The following KCNAB1 variants were observed in gnomAD, a reference collection of about 807,000 sequenced individuals.
KCNAB1 encodes potassium voltage-gated channel subfamily A regulatory beta subunit 1, also known as voltage-gated potassium channel subunit beta-1.
A neutral mutation model predicts 64.6 loss-of-function variants in KCNAB1; 35 were observed. The ratio of observed to expected loss-of-function variants is 0.54; its 90% CI spans 0.41 to 0.72. KCNAB1 has a LOEUF of 0.72. Ranked by LOEUF, KCNAB1 falls within the 30% of genes least tolerant of loss-of-function variation. KCNAB1 has a pLI of 0.00. For missense variants in KCNAB1, 401 were observed against 512.9 expected (o/e 0.78, Z 2.11); for synonymous variants, 177 against 183.8 (o/e 0.96, Z 0.30).
At chr3:156,390,460 T>C (rs1468035655) in intron 1 of KCNAB1, among the ~76,000 whole-genome samples, 1 of 152,210 alleles carries the variant, frequency 6.6e-6, no homozygotes, top group Non-Finnish European at 1.5e-5. Context: ...GTTTAGAGTC[T>C]TAAAAAAAGG....
At chr3:156,264,724 A>T (rs1299650450) in intron 1 of KCNAB1, among the ~76,000 whole-genome samples, 1 of 152,150 alleles carries the variant, frequency 6.6e-6, no homozygotes, top group African/African-American at 2.4e-5. Context: ...ACATGTATAT[A>T]ATAATGATAA....
chr3:156,291,651 C>T, intron 1 of KCNAB1: 5 of 1,371,768 alleles, frequency 3.6e-6, no homozygotes, highest in Non-Finnish European at 4.7e-6. Context: ...GATTCTCCCT[C>T]CAGCTGCTGT....
intron 8 of KCNAB1, among the ~76,000 whole-genome samples, chr3:156,486,604 C>CT (rs1443348386): frequency 6.6e-6 from 1 of 152,134 alleles, no homozygotes; most frequent in African/African-American, 2.4e-5. Flanking sequence ...GGTGGCACCA[C>CT]TGGGGGAGTG....
chr3:156,282,080 C>T (rs1719761492), intron 1 of KCNAB1, among the ~76,000 whole-genome samples: 1 of 150,304 alleles, frequency 6.7e-6, no homozygotes, highest in Admixed American at 6.6e-5. Context: ...TTGGATCTTT[C>T]CTGCTTTCTC....
intron 1 of KCNAB1, among the ~76,000 whole-genome samples, chr3:156,136,546 A>G (rs143093916): frequency 2.0e-5 from 3 of 152,378 alleles, no homozygotes; most frequent in South Asian, 2.1e-4. Context: ...TGAGACCACA[A>G]TACTATCATG....
At chr3:156,156,638 A>G (rs1379281401) in intron 1 of KCNAB1, among the ~76,000 whole-genome samples, 5 of 152,218 alleles carry the variant, frequency 3.3e-5, no homozygotes, top group South Asian at 2.1e-4. Context: ...AGCTCAGGCA[A>G]TTGGGACCAA....
intron 1 of KCNAB1, among the ~76,000 whole-genome samples, chr3:156,368,717 A>G (rs1171727696): frequency 6.6e-6 from 1 of 152,224 alleles, no homozygotes; most frequent in Non-Finnish European, 1.5e-5. Context: ...CAGAGATGAT[A>G]TATACCTGTT....
intron 1 of KCNAB1, among the ~76,000 whole-genome samples, chr3:156,286,366 T>C (rs1720099215): frequency 6.6e-6 from 1 of 152,262 alleles, no homozygotes; most frequent in East Asian, 1.9e-4. Flanking sequence ...TTGCCATCTG[T>C]ATACTCACAT....
At chr3:156,308,635 A>G (rs1171100737) in intron 1 of KCNAB1, among the ~76,000 whole-genome samples, 1 of 152,228 alleles carries the variant, frequency 6.6e-6, no homozygotes, top group Non-Finnish European at 1.5e-5. Context: ...GTTTGAATCC[A>G]GCACTGCCAC....
intron 1 of KCNAB1, among the ~76,000 whole-genome samples, chr3:156,334,124 G>T (rs1723525744): frequency 6.6e-6 from 1 of 151,998 alleles, no homozygotes; most frequent in Admixed American, 6.6e-5. Flanking sequence ...AACTTTTATG[G>T]TTTTATTTTT....
intron 1 of KCNAB1, among the ~76,000 whole-genome samples, chr3:156,128,151 C>T (rs1272010374): frequency 6.6e-6 from 1 of 152,306 alleles, no homozygotes; most frequent in African/African-American, 2.4e-5. Flanking sequence ...ATTCAAATCC[C>T]ATTTTGCAGT....
chr3:156,190,798 A>T (rs1713517148), intron 1 of KCNAB1, among the ~76,000 whole-genome samples: 1 of 151,942 alleles, frequency 6.6e-6, no homozygotes, highest in Non-Finnish European at 1.5e-5. Context: ...GGTTTAAGAG[A>T]TTCTCCTGCC....
chr3:156,462,154 C>CATT (rs1712961288), intron 5 of KCNAB1, among the ~76,000 whole-genome samples: 1 of 152,230 alleles, frequency 6.6e-6, no homozygotes, highest in Non-Finnish European at 1.5e-5. Flanking sequence ...TCTACCCACT[C>CATT]AGAAGAGTTG....
chr3:156,510,230 C>T (rs1013553927), intron 8 of KCNAB1, among the ~76,000 whole-genome samples: 1 of 152,214 alleles, frequency 6.6e-6, no homozygotes, highest in Non-Finnish European at 1.5e-5. Flanking sequence ...AGGCTCTCCT[C>T]ACCTTTTTCT....
chr3:156,155,988 T>C lies in KCNAB1; in HGVS notation c.275+35102T>C, dbSNP rs542942434. Among the ~76,000 whole-genome samples the C allele has an allele frequency of 2.3e-3, 356 of 152,312 alleles. 1 individual carries two copies. The highest frequency in any genetic ancestry group is 8.2e-3 in the African/African-American group (339 of 41,546). Reference sequence around the variant, plus strand: ...ACTGGGAAGCTTACCTGAACCTTGGTGTCCAGAGTTTTTATTTGGGTTTGG... The same window carrying C: ...ACTGGGAAGCTTACCTGAACCTTGGCGTCCAGAGTTTTTATTTGGGTTTGG... On this transcript the variant is annotated intron_variant, in intron 1 of 13. Transcript: ENST00000490337.
At chr3:156,505,843 T>C (rs2679593) in intron 8 of KCNAB1, among the ~76,000 whole-genome samples, 84,552 of 151,528 alleles carry the variant, frequency 0.56, 24,740 homozygotes, top group African/African-American at 0.74. Context: ...CTAGAGGGAG[T>C]AAGAGAGAGA....
At chr3:156,354,102 G>GTA (rs1162327469) in intron 1 of KCNAB1, among the ~76,000 whole-genome samples, 17 of 123,656 alleles carry the variant, frequency 1.4e-4, no homozygotes, top group Admixed American at 8.1e-5. Context: ...TATAATATAT[G>GTA]TATATATATG....
Position 156,452,807 on chromosome 3 carries a change from A to G in KCNAB1, c.320-92A>G, listed in dbSNP as rs72558052. The G allele has an allele frequency of 4.3e-3, 3,910 of 909,930 alleles. 94 individuals carry two copies. The African/African-American group carries it at 0.058, about 14-fold the overall frequency. 56.4% of individuals were successfully genotyped at this position (909,930 alleles called of 1,614,324 possible). On this transcript the variant is annotated intron_variant, in intron 2 of 13. Coordinates refer to ENST00000490337, the MANE Select transcript of KCNAB1 (RefSeq NM_172160.3). This position sits in a 1 kb window ranked among gnomAD's most constrained non-coding sequence, Gnocchi z 4.6. ...CCTTTGTGAACTACCCATACAACCTATTGAGGTAGTCCCAAAGTAAGAATT... is the reference window on the plus strand; with the variant it reads ...CCTTTGTGAACTACCCATACAACCTGTTGAGGTAGTCCCAAAGTAAGAATT...
intron 8 of KCNAB1, among the ~76,000 whole-genome samples, chr3:156,478,379 A>G (rs543979175): frequency 5.9e-5 from 9 of 152,302 alleles, no homozygotes; most frequent in South Asian, 2.1e-4. Context: ...ATTGATTTCA[A>G]CTATTATTTG....
Sources: gnomAD v4.1 joint callset for allele counts (sites outside exome capture counted in the v4.1 genomes callset) on GRCh38, gnomAD v4.1.1 for gene constraint, Gnocchi (gnomAD v3.1) non-coding constraint, MANE v1.5 for transcripts, NCBI Gene and HGNC (gene_info 2026-07-23, HGNC 2026-07-21) for gene names.